Variants in FAN1 observed in about 807,000 individuals in gnomAD.
The protein encoded by FAN1 is fanconi-associated nuclease 1.
FAN1 carries 91 observed loss-of-function variants against 104.9 expected under a neutral mutation model. That is an observed-to-expected ratio of 0.87 (90% confidence interval 0.73 to 1.03). The LOEUF is 1.03. Among genes scored for constraint, FAN1 ranks in the 50% least tolerant of loss-of-function variants. FAN1 has a pLI of 0.00. For synonymous variants in FAN1, 478 were observed against 457.6 expected (o/e 1.04, Z -0.57); for missense variants, 1,263 against 1,239.9 (o/e 1.02, Z -0.28).
At chr15:30,923,575 C>T (rs1275612686) in intron 8 of FAN1, among the ~76,000 whole-genome samples, 1 of 152,200 alleles carries the variant, frequency 6.6e-6, no homozygotes, top group East Asian at 1.9e-4. Context: ...GAAGGGATCG[C>T]CTAGCTGAGT....
intron 6 of FAN1, 127 bp from the exon 7 acceptor site, chr15:30,920,417 CA>C (rs1191304336): frequency 2.0e-5 from 13 of 657,160 alleles, no homozygotes; most frequent in Non-Finnish European, 3.1e-5. Flanking sequence ...GAAAATTGTA[CA>C]CAACTGAAAG....
chr15:30,928,744 CA>C (rs1474779074), intron 11 of FAN1, 88 bp downstream of exon 11: 1 of 1,589,954 alleles, frequency 6.3e-7, no homozygotes, highest in African/African-American at 1.3e-5. Flanking sequence ...CCACAGCCAG[CA>C]GAAACCATCT....
rs772091690 is a variant in FAN1 at position 30,905,525 on chromosome 15, T to G, written c.862T>G (p.Cys288Gly). 2.1e-5 allele frequency: 34 copies of G among 1,613,744 alleles called. No individual in the cohort carries two copies. The highest frequency in any genetic ancestry group is 1.8e-4 in the Admixed American group (11 of 60,002). ...TSEDSLVKQE[C>G]IKEVVEKREA... ...AGAAGACAGTCTTGTAAAGCAAGAG[T>G]GTATCAAAGAAGTGGTTGAAAAACG... Residue 288 changes from cysteine to glycine, a missense_variant, in exon 2 of 15, where the codon TGT (cysteine) becomes GGT (glycine). This residue lies in a region of FAN1 where 682 missense variants were observed against 571.1 expected (regional missense o/e 1.19). Transcript: ENST00000362065.
intron 11 of FAN1, 92 bp from the exon 12 acceptor site, chr15:30,929,111 C>A: frequency 9.2e-7 from 1 of 1,082,520 alleles, no homozygotes; most frequent in Non-Finnish European, 1.3e-6. Flanking sequence ...ATCGGTTGGC[C>A]GGTTTCCAAG....
chr15:30,907,509 A>G (rs1226005072), intron 2 of FAN1, among the ~76,000 whole-genome samples: 1 of 151,944 alleles, frequency 6.6e-6, no homozygotes, highest in Non-Finnish European at 1.5e-5. Flanking sequence ...CAAGAGCAAA[A>G]CTCCATCTCA....
intron 13 of FAN1, among the ~76,000 whole-genome samples, chr15:30,936,611 T>TGATG (rs1198227782): frequency 3.3e-5 from 5 of 152,028 alleles, no homozygotes; most frequent in African/African-American, 9.7e-5. Context: ...TCTCAACTTA[T>TGATG]GATGGCCTTA....
At position 30,904,724 on chromosome 15, in the gene FAN1, A is replaced by G. The variant is rs1282310638; in HGVS notation, c.61A>G (p.Lys21Glu). The change falls in exon 2 of 15, where the codon AAG becomes GAG. Residue 21 changes from lysine to glutamate, a missense_variant. Coordinates refer to ENST00000362065, the MANE Select transcript of FAN1 (RefSeq NM_014967.5). ...KRPRRSLSIS[K>E]NKKKASNSII... ...GCCTCGTAGAAGCTTATCAATCAGC[A>G]AGAATAAGAAAAAAGCATCTAATTC... 2.5e-6 allele frequency: 4 copies of G among 1,610,568 alleles called. No homozygotes were observed. The highest frequency in any genetic ancestry group is 1.7e-5 in the Admixed American group (1 of 59,598).
chr15:30,940,975 C>T (rs1251512038), intron 14 of FAN1: 3 of 1,115,872 alleles, frequency 2.7e-6, no homozygotes, highest in African/African-American at 3.3e-5. Context: ...TAAATTCTGG[C>T]CCCAGAACAC....
chr15:30,910,836 A>C (rs373034831), intron 4 of FAN1, 21 bp downstream of exon 4: 25 of 1,608,792 alleles, frequency 1.6e-5, no homozygotes, highest in Non-Finnish European at 2.0e-5. Flanking sequence ...CTATTGTTAC[A>C]GTAAAAACAT....
chr15:30,939,390 C>G (rs1296017417), intron 14 of FAN1: 11 of 985,492 alleles, frequency 1.1e-5, no homozygotes, highest in Non-Finnish European at 1.3e-5. Flanking sequence ...AGCCACACCA[C>G]TGCTGTCACC....
chr15:30,941,805 C>T lies in FAN1; in HGVS notation c.*243C>T, dbSNP rs200502561. The T allele has an allele frequency of 3.4e-5, 55 of 1,613,856 alleles. No individual in the cohort carries two copies. The highest frequency in any genetic ancestry group is 2.5e-5 in the Non-Finnish European group (30 of 1,179,898). ...GAGCCACCCAGGCTGATCTGGGCCT[C>T]GGGAACCCAGCGGAAGTAGCACAGT... is the stretch of plus-strand genomic sequence containing the variant. On this transcript the variant is annotated 3_prime_UTR_variant, in exon 15 of 15. Transcript: ENST00000362065.
At chr15:30,938,957 T>A in intron 14 of FAN1, 2 of 985,408 alleles carry the variant, frequency 2.0e-6, no homozygotes, top group Non-Finnish European at 2.4e-6. Context: ...CGCTGTGGAA[T>A]TTTATTAAGC....
At chr15:30,940,030 A>C in intron 14 of FAN1, 1 of 976,726 alleles carries the variant, frequency 1.0e-6, no homozygotes, top group Non-Finnish European at 1.2e-6. Context: ...GTACATATAA[A>C]GGTAAAATAC....
intron 6 of FAN1, 82 bp from the exon 7 acceptor site, chr15:30,920,463 C>T (rs1302783089): frequency 5.7e-6 from 5 of 877,096 alleles, no homozygotes; most frequent in Non-Finnish European, 9.4e-6. Flanking sequence ...GATAGGAATT[C>T]AGTCTGCTTT....
Position 30,942,322 on chromosome 15 carries a change from C to CTAAT in FAN1, c.*762_*765dup, listed in dbSNP as rs1327597543. 1 of 547,962 alleles carries CTAAT rather than the reference C, an allele frequency of 1.8e-6. No homozygotes were observed. Among genetic ancestry groups the CTAAT allele is most frequent in the African/African-American group, 1.9e-5 (1 of 52,974 alleles). The allele number at this position is 547,962 out of a possible 1,614,324, so 33.9% of individuals were successfully genotyped here. A position where few individuals can be genotyped will look rare whatever the true frequency, so the allele number is the denominator to read the frequency against. ...GCGGGATGAGAGTACCTCCTATCCACTAATTTGCTTAAGGATAAGTTCTAA... is the reference window on the plus strand; with the variant it reads ...GCGGGATGAGAGTACCTCCTATCCACTAATTAATTTGCTTAAGGATAAGTTCTAA... On this transcript the variant is annotated 3_prime_UTR_variant, in exon 15 of 15. Coordinates refer to ENST00000362065, the MANE Select transcript of FAN1 (RefSeq NM_014967.5).
Position 30,925,811 on chromosome 15 carries a change from G to A in FAN1, c.2360G>A (p.Cys787Tyr), listed in dbSNP as rs756429083. The A allele has an allele frequency of 1.9e-6, 3 of 1,614,166 alleles. No homozygotes were observed. Among genetic ancestry groups the A allele is most frequent in the Non-Finnish European group, 2.5e-6 (3 of 1,180,030 alleles). ...CAGGTGACCATCACAGGCAGGCTGT[G>A]CCCACAGCGTGGGATGTGCAAGTCT... ...VKHVTITGRL[C>Y]PQRGMCKSVF... The change falls in exon 10 of 15, where the codon TGC becomes TAC. Residue 787 changes from cysteine (C) to tyrosine (Y), a missense_variant. Physicochemically the swap from Cys to Tyr is radical, Grantham distance 194 (BLOSUM62 -2). Transcript: ENST00000362065.
In FAN1 at chr15:30,920,583, C is replaced by T. The variant is rs1431250693; in HGVS notation, c.1982C>T (p.Thr661Ile). ...EDLPLFLRCF[T>I]VGWIYTRILS... is the part of the protein sequence containing the mutation. Reference sequence around the variant, plus strand: ...TTACCACTCTTCCTGCGGTGTTTCACTGTTGGGTGGATTTATACAAGGATT... The same window carrying T: ...TTACCACTCTTCCTGCGGTGTTTCATTGTTGGGTGGATTTATACAAGGATT... The change falls in exon 7 of 15, where the codon ACT (threonine) becomes ATT (isoleucine). Residue 661 changes from threonine to isoleucine, a missense_variant. Thr to Ile is a moderately conservative substitution (Grantham distance 89). This residue lies in a region of FAN1 where 581 missense variants were observed against 668.8 expected (regional missense o/e 0.87). Transcript: ENST00000362065. 1 of 1,611,808 alleles carries T rather than the reference C, an allele frequency of 6.2e-7. No individual in the cohort carries two copies.
chr15:30,934,000 T>G (rs1184706169), intron 13 of FAN1, among the ~76,000 whole-genome samples: 1 of 152,010 alleles, frequency 6.6e-6, no homozygotes, highest in Non-Finnish European at 1.5e-5. Context: ...GGGCTCCACG[T>G]TGGCCTCCCA....
intron 5 of FAN1, among the ~76,000 whole-genome samples, chr15:30,914,593 C>T (rs887499343): frequency 2.6e-5 from 4 of 152,126 alleles, no homozygotes; most frequent in African/African-American, 9.7e-5. Context: ...TCTCAACTCC[C>T]GGACTCAAGC....
Sources: gnomAD v4.1 joint callset for allele counts (sites outside exome capture counted in the v4.1 genomes callset) on GRCh38, gnomAD v4.1.1 for gene constraint, gnomAD v4.1.1 regional missense constraint, MANE v1.5 for transcripts, NCBI Gene and HGNC (gene_info 2026-07-23, HGNC 2026-07-21) for gene names.